Variants in PRCP observed in about 807,000 individuals in gnomAD.
The protein encoded by PRCP is lysosomal Pro-X carboxypeptidase.
PRCP carries 46 observed loss-of-function variants against 54.2 expected under a neutral mutation model. The ratio of observed to expected loss-of-function variants is 0.85; its 90% CI spans 0.67 to 1.09. PRCP has a LOEUF of 1.09. Ranked by LOEUF, PRCP falls within the 50% of genes least tolerant of loss-of-function variation. PRCP has a pLI of 0.00. For missense variants in PRCP, 613 were observed against 596.8 expected, an observed-to-expected ratio of 1.03 and a Z score of -0.28; for synonymous variants, 240 against 212.2, an observed-to-expected ratio of 1.13 and a Z score of -1.14.
chr11:82,856,841 G>A (rs1859097009), intron 2 of PRCP, among the ~76,000 whole-genome samples: 2 of 152,072 alleles, frequency 1.3e-5, no homozygotes, highest in South Asian at 4.2e-4. Context: ...GAGGTCAGGA[G>A]ATCGAGATCA....
At chr11:82,848,177 C>G (rs1858854603) in intron 6 of PRCP, among the ~76,000 whole-genome samples, 1 of 152,222 alleles carries the variant, frequency 6.6e-6, no homozygotes, top group Non-Finnish European at 1.5e-5. Context: ...ACTTCCAACA[C>G]TCATTCTAGC....
intron 6 of PRCP, among the ~76,000 whole-genome samples, chr11:82,848,448 C>CAG (rs36087714): frequency 0.23 from 35,431 of 152,032 alleles, 4,501 homozygotes; most frequent in Admixed American, 0.36. Flanking sequence ...CAGAGGAAGA[C>CAG]GGGATGGGGA....
Position 82,897,051 on chromosome 11 carries a change from A to T in PRCP, c.168+3184T>A, listed in dbSNP as rs1165793405. ...AGGTGGGAGGTACAAGGTAATAAGC[A>T]TGCAACATTGTAACCACAAGCCACA... On this transcript the variant is annotated intron_variant, in intron 1 of 8. Coordinates refer to ENST00000313010, the MANE Select transcript of PRCP (RefSeq NM_005040.4). Among the ~76,000 whole-genome samples the T allele has an allele frequency of 2.0e-5, 3 of 152,186 alleles. No homozygotes were observed. The East Asian group carries it at 5.8e-4, about 29-fold the overall frequency.
In PRCP at chr11:82,853,220, C is replaced by T. The variant is rs756438952; in HGVS notation, c.368G>A (p.Arg123Gln). Reference sequence around the variant, plus strand: ...AAAGGGGAGAGACTCTCCATAGTATCGATGTTCAGCAAACACCAACATAGC... The same window carrying T: ...AAAGGGGAGAGACTCTCCATAGTATTGATGTTCAGCAAACACCAACATAGC... ...LKAMLVFAEH[R>Q]YYGESLPFGD... The change falls in exon 3 of 9, where the codon CGA (arginine) becomes CAA (glutamine). Residue 123 changes from arginine (R) to glutamine (Q), a missense_variant. Coordinates refer to ENST00000313010, the MANE Select transcript of PRCP (RefSeq NM_005040.4). 3.1e-6 allele frequency: 5 copies of T among 1,612,676 alleles called. No homozygotes were observed. Among genetic ancestry groups the T allele is most frequent in the East Asian group, 4.5e-5 (2 of 44,826 alleles).
chr11:82,886,100 T>G (rs1859856723), intron 1 of PRCP, among the ~76,000 whole-genome samples: 1 of 152,210 alleles, frequency 6.6e-6, no homozygotes, highest in African/African-American at 2.4e-5. Flanking sequence ...TTTAAATCTC[T>G]TCTTTCTGTA....
chr11:82,851,708 T>G (rs1216295112), intron 3 of PRCP, among the ~76,000 whole-genome samples: 3 of 152,138 alleles, frequency 2.0e-5, no homozygotes, highest in Admixed American at 2.0e-4. Flanking sequence ...TACAGCTACA[T>G]ACCTCTATTA....
intron 1 of PRCP, among the ~76,000 whole-genome samples, chr11:82,894,507 C>T (rs1215677917): frequency 6.6e-6 from 1 of 152,176 alleles, no homozygotes; most frequent in Non-Finnish European, 1.5e-5. Context: ...ATAGGTAAAT[C>T]AGAGATCAGC....
rs184390885 is a variant in PRCP, at chr11:82,872,316, A to G, written c.169-12199T>C. 3.9e-5 allele frequency among the ~76,000 whole-genome samples: 6 copies of G among 152,308 alleles called. No individual in the cohort carries two copies. In the East Asian group the frequency reaches 1.2e-3, roughly 29 times the overall value. ...GTCATGTAGGTATACTGGGTTGCAT[A>G]GCATCCCCCCAAAATTTATGTCCTT... On this transcript the variant is annotated intron_variant, in intron 1 of 8. Coordinates refer to ENST00000313010, the MANE Select transcript of PRCP (RefSeq NM_005040.4).
intron 6 of PRCP, among the ~76,000 whole-genome samples, chr11:82,843,520 C>A (rs1444044122): frequency 6.6e-6 from 1 of 152,100 alleles, no homozygotes; most frequent in East Asian, 1.9e-4. Context: ...ACTGACGTGA[C>A]AAAAGCAAGC....
intron 2 of PRCP, among the ~76,000 whole-genome samples, chr11:82,854,047 C>T (rs766702335): frequency 9.2e-5 from 14 of 152,304 alleles, no homozygotes; most frequent in African/African-American, 2.4e-4. Flanking sequence ...TAGCCAACAT[C>T]GTACTGAATG....
chr11:82,862,472 T>TC (rs1392585583), intron 1 of PRCP, among the ~76,000 whole-genome samples: 28 of 152,272 alleles, frequency 1.8e-4, no homozygotes, highest in African/African-American at 6.5e-4. Context: ...CATAGGCTGT[T>TC]CCAGCGCTGC....
rs574673771 is a variant in PRCP at position 82,866,883 on chromosome 11, G to A, written c.169-6766C>T. Among the ~76,000 whole-genome samples, 262 of 151,930 alleles carry A rather than the reference G, an allele frequency of 1.7e-3. 2 individuals carry two copies. The highest frequency in any genetic ancestry group is 3.9e-3 in the Admixed American group (59 of 15,264). On this transcript the variant is annotated intron_variant, in intron 1 of 8. Transcript: ENST00000313010. ...ATTACAGGTGCCCACCACCACACCC[G>A]GATAATTTTTGTATTTTTAGTAGAG...
Position 82,822,967 on chromosome 11 carries a change from T to C in PRCP, c.*1939A>G, listed in dbSNP as rs1247957586. Among the ~76,000 whole-genome samples, 3 of 152,222 alleles carry C rather than the reference T, an allele frequency of 2.0e-5. No homozygotes were observed. Among genetic ancestry groups the C allele is most frequent in the African/African-American group, 7.2e-5 (3 of 41,456 alleles). On this transcript the variant is annotated 3_prime_UTR_variant, in exon 9 of 9. Transcript: ENST00000313010. ...TCCCTGTCAGTAAAAAGTGCAGTTT[T>C]ATTAGAGGGATGCTTTAAATAATAA...
At position 82,835,918 on chromosome 11, in the gene PRCP, C is replaced by T. The variant is rs115446666; in HGVS notation, c.1274+2469G>A. On this transcript the variant is annotated intron_variant, in intron 8 of 8. Coordinates refer to ENST00000313010, the MANE Select transcript of PRCP (RefSeq NM_005040.4). ...TACTAAAGACACAGCTCTAGCCGGGCGTGGTGGCTCATGCCTGTAGTCCCA... is the reference window on the plus strand; with the variant it reads ...TACTAAAGACACAGCTCTAGCCGGGTGTGGTGGCTCATGCCTGTAGTCCCA... 3,142 of 388,008 alleles carry T rather than the reference C, an allele frequency of 8.1e-3. 64 individuals carry two copies. Among genetic ancestry groups the T allele is most frequent in the African/African-American group, 0.051 (2,440 of 47,648 alleles). 24.0% of individuals were successfully genotyped at this position (388,008 alleles called of 1,614,324 possible). A position where few individuals can be genotyped will look rare whatever the true frequency, so the allele number is the denominator to read the frequency against.
intron 8 of PRCP, chr11:82,830,464 C>T (rs1190006567): frequency 6.6e-6 from 1 of 151,552 alleles, no homozygotes; most frequent in African/African-American, 2.4e-5. Flanking sequence ...CCTGCCTCTA[C>T]TAAAAATACA....
At chr11:82,839,737 T>C (rs1858614541) in intron 6 of PRCP, 1 of 305,814 alleles carries the variant, frequency 3.3e-6, no homozygotes, top group South Asian at 3.6e-5. Context: ...CACACCAGGC[T>C]CCTTCCCCTT....
chr11:82,899,904 A>C (rs1379942679), intron 1 of PRCP: 1 of 271,852 alleles, frequency 3.7e-6, no homozygotes, highest in Non-Finnish European at 7.1e-6. Flanking sequence ...GCTGGCATTT[A>C]ATAATTTGAA....
chr11:82,849,953 G>A lies in PRCP; in HGVS notation c.712C>T (p.His238Tyr). The A allele has an allele frequency of 6.5e-7, 1 of 1,530,712 alleles. No individual in the cohort carries two copies. The highest frequency in any genetic ancestry group is 8.8e-7 in the Non-Finnish European group (1 of 1,136,414). The allele number at this position is 1,530,712 out of a possible 1,614,324, so 94.8% of individuals were successfully genotyped here. A position where few individuals can be genotyped will look rare whatever the true frequency, so the allele number is the denominator to read the frequency against. The change falls in exon 5 of 9, where the codon CAC (histidine) becomes TAC (tyrosine). Residue 238 changes from histidine (H) to tyrosine (Y), a missense_variant. Coordinates refer to ENST00000313010, the MANE Select transcript of PRCP (RefSeq NM_005040.4). ...CGATTAATGGCATCCCAGGACCTGT[G>A]GATGCTCTCTGAACAATGTGGACCG... The part of the protein sequence containing the change: ...KSGPHCSESI[H>Y]RSWDAINRLS...
At chr11:82,880,642 C>T (rs774387802) in intron 1 of PRCP, among the ~76,000 whole-genome samples, 8 of 152,148 alleles carry the variant, frequency 5.3e-5, no homozygotes, top group Non-Finnish European at 7.4e-5. Flanking sequence ...TGTTCCTATT[C>T]GGCCATCTTG....
Sources: gnomAD v4.1 joint callset for allele counts (sites outside exome capture counted in the v4.1 genomes callset) on GRCh38, gnomAD v4.1.1 for gene constraint, MANE v1.5 for transcripts, NCBI Gene and HGNC (gene_info 2026-07-23, HGNC 2026-07-21) for gene names.